Variants in SCAF8 observed in about 807,000 individuals in gnomAD.
SCAF8 encodes SR-related CTD associated factor 8, also known as SR-related and CTD-associated factor 8.
SCAF8 carries 23 observed loss-of-function variants against 140.5 expected under a neutral mutation model. The ratio of observed to expected loss-of-function variants is 0.16; its 90% CI spans 0.12 to 0.23. SCAF8 has a LOEUF of 0.23. Among genes scored for constraint, SCAF8 ranks in the 10% least tolerant of loss-of-function variants. SCAF8 has a pLI of 1.00. For missense variants in SCAF8, 1,397 were observed against 1,555.7 expected (o/e 0.90, Z 1.72); for synonymous variants, 575 against 528.9 (o/e 1.09, Z -1.20).
At position 154,818,534 on chromosome 6, in the gene SCAF8, T is replaced by C. The variant is rs368376478; in HGVS notation, c.1577T>C (p.Phe526Ser). 3.7e-6 allele frequency: 6 copies of C among 1,609,638 alleles called. No individual in the cohort carries two copies. In the African/African-American group the frequency reaches 8.0e-5, roughly 22 times the overall value. Residue 526 changes from phenylalanine to serine, a missense_variant, in exon 14 of 20, where the codon TTT (phenylalanine) becomes TCT (serine). Phe to Ser is a radical substitution (Grantham distance 155). This residue lies in a region of SCAF8 where 59 missense variants were observed against 110.7 expected (regional missense o/e 0.53). Coordinates refer to ENST00000367178, the MANE Select transcript of SCAF8 (RefSeq NM_014892.5). The stretch of plus-strand genomic sequence containing the variant: ...TGCATGGTTCATCGACAAGATGCAT[T>C]TCGAGCTCTTCAGAAACTCAGTTCT... ...YVCMVHRQDAFRALQKLSSGS... is the reference protein window; with the variant it reads ...YVCMVHRQDASRALQKLSSGS...
In SCAF8 at chr6:154,747,603, T is replaced by C. The variant is rs546493770; in HGVS notation, c.30+13673T>C. 2.6e-4 allele frequency among the ~76,000 whole-genome samples: 39 copies of C among 152,314 alleles called. 1 individual carries two copies. The South Asian group carries it at 5.4e-3, about 21-fold the overall frequency. On this transcript the variant is annotated intron_variant, in intron 1 of 19. Transcript: ENST00000367178. ...GGCCAAAGGCTATGCTTTGCTGGGC[T>C]CAGCAGTAAACTTAGAAACCCGAGA... is the stretch of plus-strand genomic sequence containing the variant.
chr6:154,739,448 T>C (rs187221593), intron 1 of SCAF8, among the ~76,000 whole-genome samples: 2 of 152,350 alleles, frequency 1.3e-5, no homozygotes, highest in Admixed American at 6.5e-5. Context: ...AGCTAGTGTA[T>C]TACAATGTAG....
intron 1 of SCAF8, among the ~76,000 whole-genome samples, chr6:154,751,983 G>C (rs540883035): frequency 6.6e-6 from 1 of 152,258 alleles, no homozygotes; most frequent in Non-Finnish European, 1.5e-5. Context: ...TGAGTCCAAA[G>C]CTCATGTATT....
intron 3 of SCAF8, among the ~76,000 whole-genome samples, chr6:154,779,591 G>A (rs550348851): frequency 5.9e-5 from 9 of 152,254 alleles, no homozygotes; most frequent in East Asian, 1.9e-4. Context: ...TGAATAAAAT[G>A]TGTCAGAATC....
chr6:154,784,140 T>TAG (rs1777174540), intron 3 of SCAF8, among the ~76,000 whole-genome samples: 2 of 88,440 alleles, frequency 2.3e-5, no homozygotes, highest in East Asian at 9.1e-4. Context: ...TATATATATA[T>TAG]ATATATATAT....
chr6:154,790,853 A>G (rs1777401033), intron 4 of SCAF8, among the ~76,000 whole-genome samples: 1 of 151,106 alleles, frequency 6.6e-6, no homozygotes, highest in African/African-American at 2.4e-5. Context: ...TTTTTTTCCT[A>G]ATGGAATAAG....
chr6:154,750,591 G>A (rs1168454028), intron 1 of SCAF8, among the ~76,000 whole-genome samples: 6 of 152,090 alleles, frequency 3.9e-5, no homozygotes, highest in African/African-American at 1.5e-4. Context: ...TAAAACTTAA[G>A]TAGTAAATTG....
At chr6:154,770,334 T>C (rs9397745) in intron 1 of SCAF8, among the ~76,000 whole-genome samples, 80,037 of 151,106 alleles carry the variant, frequency 0.53, 22,124 homozygotes, top group East Asian at 0.9. Context: ...TATGGTGATC[T>C]GTGCCTGTAG....
intron 6 of SCAF8, among the ~76,000 whole-genome samples, chr6:154,800,146 C>T (rs539479755): frequency 4.0e-5 from 6 of 151,432 alleles, no homozygotes; most frequent in African/African-American, 1.4e-4. Flanking sequence ...CGTTCTCTCT[C>T]GCCTCTGCTT....
intron 6 of SCAF8, among the ~76,000 whole-genome samples, chr6:154,799,085 C>G (rs1777691234): frequency 6.6e-6 from 1 of 150,998 alleles, no homozygotes; most frequent in African/African-American, 2.4e-5. Context: ...CGGAGTGATT[C>G]TCCTGCCTCA....
intron 6 of SCAF8, among the ~76,000 whole-genome samples, chr6:154,796,601 T>C (rs1484805499): frequency 6.6e-6 from 1 of 152,138 alleles, no homozygotes; most frequent in Non-Finnish European, 1.5e-5. Context: ...AATTTAGAAA[T>C]GGTTACCTTT....
At chr6:154,803,783 ATTATT>A (rs1467564642) in intron 8 of SCAF8, among the ~76,000 whole-genome samples, 160 bp downstream of exon 8, 6 of 152,138 alleles carry the variant, frequency 3.9e-5, no homozygotes, top group Non-Finnish European at 8.8e-5. Flanking sequence ...GTCTCTTTGT[ATTATT>A]TTGAGTCTTT....
At chr6:154,740,552 C>T (rs994973634) in intron 1 of SCAF8, among the ~76,000 whole-genome samples, 1 of 151,690 alleles carries the variant, frequency 6.6e-6, no homozygotes, top group African/African-American at 2.4e-5. Flanking sequence ...GTTTCATGTC[C>T]TTGGTTCATA....
chr6:154,777,920 A>G, intron 2 of SCAF8, 81 bp from the exon 3 acceptor site: 3 of 817,496 alleles, frequency 3.7e-6, no homozygotes, highest in Non-Finnish European at 4.1e-6. Context: ...CCTTTGGAGC[A>G]TGTAAAACCT....
intron 1 of SCAF8, among the ~76,000 whole-genome samples, chr6:154,747,803 A>G (rs1455378127): frequency 6.6e-6 from 1 of 152,032 alleles, no homozygotes; most frequent in African/African-American, 2.4e-5. Context: ...CCACGTGCAG[A>G]TACTATTTTA....
intron 8 of SCAF8, 142 bp downstream of exon 8, chr6:154,803,765 G>A (rs1261534852): frequency 1.7e-6 from 1 of 604,496 alleles, no homozygotes; most frequent in Admixed American, 3.1e-5. Context: ...GTAGAGATAT[G>A]TCTTGTTGTC....
At chr6:154,761,297 G>A (rs1362550100) in intron 1 of SCAF8, among the ~76,000 whole-genome samples, 2 of 152,052 alleles carry the variant, frequency 1.3e-5, no homozygotes, top group African/African-American at 4.8e-5. Context: ...GACCGCCTGG[G>A]CAACATGGTG....
chr6:154,824,407 C>G, intron 17 of SCAF8, 29 bp downstream of exon 17: 1 of 1,577,364 alleles, frequency 6.3e-7, no homozygotes, highest in Non-Finnish European at 8.7e-7. Context: ...AATATTTGAA[C>G]TCTATTTAGA....
At chr6:154,735,624 C>A (rs1320452496) in intron 1 of SCAF8, among the ~76,000 whole-genome samples, 1 of 149,454 alleles carries the variant, frequency 6.7e-6, no homozygotes, top group East Asian at 2.0e-4. Flanking sequence ...AGCGATTCTT[C>A]TGCCTCAGTG....
Sources: gnomAD v4.1 joint callset for allele counts (sites outside exome capture counted in the v4.1 genomes callset) on GRCh38, gnomAD v4.1.1 for gene constraint, gnomAD v4.1.1 regional missense constraint, MANE v1.5 for transcripts, NCBI Gene and HGNC (gene_info 2026-07-23, HGNC 2026-07-21) for gene names.